The following EYS variants were observed in gnomAD, a reference collection of about 807,000 sequenced individuals.
EYS encodes protein eyes shut homolog.
Under a neutral mutation model 282.1 loss-of-function variants are expected in EYS, and 250 were observed. That is an observed-to-expected ratio of 0.89 (90% CI 0.80 to 0.98). EYS has a LOEUF of 0.98. Ranked by LOEUF, EYS falls within the 50% of genes least tolerant of loss-of-function variation. The probability of loss-of-function intolerance (pLI) is 0.00; values close to 1 mark genes in which losing one functional copy is unlikely to be tolerated. For missense variants in EYS, 4,016 were observed against 3,709.0 expected, an observed-to-expected ratio of 1.08 and a Z score of -2.15; for synonymous variants, 1,355 against 1,282.9, an observed-to-expected ratio of 1.06 and a Z score of -1.20.
chr6:65,056,622 C>T (rs868831512), intron 13 of EYS, among the ~76,000 whole-genome samples: 4 of 151,700 alleles, frequency 2.6e-5, no homozygotes, highest in African/African-American at 7.3e-5. Context: ...ATATTTTTAC[C>T]GAGATTACTT....
chr6:64,401,623 G>T (rs1390946454), intron 28 of EYS, among the ~76,000 whole-genome samples: 4 of 151,636 alleles, frequency 2.6e-5, no homozygotes, highest in Admixed American at 2.6e-4. Flanking sequence ...TATATCTACA[G>T]ATATTTTATA....
intron 24 of EYS, among the ~76,000 whole-genome samples, chr6:64,593,836 A>T (rs1241378865): frequency 1.3e-5 from 2 of 152,194 alleles, no homozygotes; most frequent in African/African-American, 4.8e-5. Context: ...TATTTCTACC[A>T]TATCCTATAA....
chr6:64,708,537 T>C (rs1771106152), intron 22 of EYS, among the ~76,000 whole-genome samples: 2 of 152,194 alleles, frequency 1.3e-5, no homozygotes, highest in African/African-American at 2.4e-5. Flanking sequence ...CTGCATGTCA[T>C]GTGCCCAGAG....
chr6:63,980,712 G>A (rs1405000755), intron 35 of EYS, among the ~76,000 whole-genome samples: 1 of 151,834 alleles, frequency 6.6e-6, no homozygotes, highest in Non-Finnish European at 1.5e-5. Flanking sequence ...TGAGAAAATA[G>A]GAGGAAAGAG....
chr6:64,308,837 T>A lies in EYS; in HGVS notation c.6079-1755A>T, dbSNP rs1237399940. Among the ~76,000 whole-genome samples, 2 of 152,062 alleles carry A rather than the reference T, an allele frequency of 1.3e-5. 1 individual carries two copies. Among genetic ancestry groups the A allele is most frequent in the Admixed American group, 1.3e-4 (2 of 15,268 alleles). On this transcript the variant is annotated intron_variant, in intron 29 of 42. Transcript: ENST00000503581. ...GAAAATAAAACAATATTTCACACAG[T>A]AAGTTTACAAACAAGTCAAGTAGAT...
chr6:63,847,722 T>C (rs1440655577), intron 36 of EYS, among the ~76,000 whole-genome samples: 3 of 152,216 alleles, frequency 2.0e-5, no homozygotes, highest in African/African-American at 7.2e-5. Context: ...TCCAATTACA[T>C]GATGATGCCT....
intron 16 of EYS, among the ~76,000 whole-genome samples, chr6:64,904,412 T>C (rs992360022): frequency 6.6e-6 from 1 of 152,188 alleles, no homozygotes; most frequent in Non-Finnish European, 1.5e-5. Context: ...GGTGAGCAAG[T>C]TGTAATTGTT....
intron 11 of EYS, among the ~76,000 whole-genome samples, chr6:65,320,985 T>C (rs1276183007): frequency 6.6e-6 from 1 of 152,186 alleles, no homozygotes; most frequent in African/African-American, 2.4e-5. Context: ...CTCAATTGTT[T>C]TCCCCTTCTT....
chr6:64,381,404 G>A (rs1772744346), intron 29 of EYS, among the ~76,000 whole-genome samples: 1 of 152,000 alleles, frequency 6.6e-6, no homozygotes, highest in Admixed American at 6.6e-5. Flanking sequence ...ATATATCAGA[G>A]ATTACATATT....
At chr6:63,959,315 C>T (rs564129039) in intron 35 of EYS, among the ~76,000 whole-genome samples, 1 of 152,156 alleles carries the variant, frequency 6.6e-6, no homozygotes, top group Non-Finnish European at 1.5e-5. Context: ...TAATGAGATA[C>T]CATTTCATGC....
At chr6:64,495,415 G>A (rs543780198) in intron 26 of EYS, among the ~76,000 whole-genome samples, 2 of 151,962 alleles carry the variant, frequency 1.3e-5, no homozygotes, top group East Asian at 3.9e-4. Flanking sequence ...CAATAGCCAG[G>A]AAAGTTGGTT....
At chr6:63,788,850 C>T (rs1246265036) in intron 38 of EYS, among the ~76,000 whole-genome samples, 1 of 152,178 alleles carries the variant, frequency 6.6e-6, no homozygotes, top group Non-Finnish European at 1.5e-5. Flanking sequence ...TGAATCCTCT[C>T]TCTCACCCTT....
intron 33 of EYS, among the ~76,000 whole-genome samples, chr6:64,030,834 A>G (rs1254460886): frequency 6.6e-6 from 1 of 152,210 alleles, no homozygotes; most frequent in African/African-American, 2.4e-5. Context: ...GGACCCCTGG[A>G]CCAACGCGCT....
At chr6:64,216,015 T>C (rs908776080) in intron 31 of EYS, among the ~76,000 whole-genome samples, 1 of 152,168 alleles carries the variant, frequency 6.6e-6, no homozygotes, top group Non-Finnish European at 1.5e-5. Context: ...TGTTGGAGAA[T>C]TAAAATGCAC....
At chr6:65,489,216 G>C (rs1450565506) in intron 5 of EYS, 2 of 152,154 alleles carry the variant, frequency 1.3e-5, no homozygotes, top group African/African-American at 4.8e-5. Context: ...GAAAAATTTT[G>C]CAATCTATCC....
At chr6:64,670,458 G>A (rs575115563) in intron 22 of EYS, among the ~76,000 whole-genome samples, 42 of 147,900 alleles carry the variant, frequency 2.8e-4, no homozygotes, top group African/African-American at 1.0e-3. Context: ...AAAAAAAAAC[G>A]TTAATAGCAC....
rs568353205 is a variant in EYS at position 64,512,598 on chromosome 6, T to A, written c.5645-73246A>T. ...GGAAAGAGAGTTGAAGATTACAATATGATTAATCTGTGTTATTTGAGGAAA... is the reference window on the plus strand; with the variant it reads ...GGAAAGAGAGTTGAAGATTACAATAAGATTAATCTGTGTTATTTGAGGAAA... On this transcript the variant is annotated intron_variant, in intron 26 of 42. Transcript: ENST00000503581. 5.3e-5 allele frequency among the ~76,000 whole-genome samples: 8 copies of A among 151,584 alleles called. No individual in the cohort carries two copies. The South Asian group carries it at 8.3e-4, about 16-fold the overall frequency.
At chr6:64,949,972 TAAC>T (rs1267224836) in intron 14 of EYS, among the ~76,000 whole-genome samples, 1 of 151,958 alleles carries the variant, frequency 6.6e-6, no homozygotes, top group East Asian at 1.9e-4. Flanking sequence ...AGTCTAGATC[TAAC>T]AACGTCAAAG....
chr6:64,992,244 T>C (rs1359799337), intron 14 of EYS, among the ~76,000 whole-genome samples: 3 of 151,834 alleles, frequency 2.0e-5, no homozygotes, highest in East Asian at 1.9e-4. Flanking sequence ...AATAAATTGG[T>C]ATATAGTAAA....
Sources: allele counts gnomAD v4.1 joint callset (sites outside exome capture counted in the v4.1 genomes callset), GRCh38; gene constraint gnomAD v4.1.1; transcripts MANE v1.5; gene names NCBI Gene and HGNC (gene_info 2026-07-23, HGNC 2026-07-21).